RAD18: variants seen among roughly 807,000 people sequenced by gnomAD.
RAD18 encodes E3 ubiquitin-protein ligase RAD18.
Under a neutral mutation model 60.4 loss-of-function variants are expected in RAD18, and 47 were observed. The ratio of observed to expected loss-of-function variants is 0.78; its 90% confidence interval spans 0.62 to 0.99. RAD18 has a LOEUF of 0.99. Among genes scored for constraint, RAD18 ranks in the 50% least tolerant of loss-of-function variants. The probability of loss-of-function intolerance (pLI) is 0.00; values close to 1 mark genes in which losing one functional copy is unlikely to be tolerated. For synonymous variants in RAD18, 225 were observed against 195.5 expected, an observed-to-expected ratio of 1.15 and a Z score of -1.26; for missense variants, 640 against 593.3, an observed-to-expected ratio of 1.08 and a Z score of -0.82.
chr3:8,950,777 A>T (rs1940914876), intron 2 of RAD18, among the ~76,000 whole-genome samples: 1 of 152,246 alleles, frequency 6.6e-6, no homozygotes, highest in Non-Finnish European at 1.5e-5. Context: ...TGGAAAAAGT[A>T]GACAACATGC....
chr3:8,890,306 T>G, intron 12 of RAD18, 83 bp downstream of exon 12: 1 of 1,123,674 alleles, frequency 8.9e-7, no homozygotes, highest in Non-Finnish European at 1.3e-6. Context: ...AGCAAAAATA[T>G]AATTTTGTTT....
At chr3:8,948,208 C>T (rs993542849) in intron 3 of RAD18, among the ~76,000 whole-genome samples, 1 of 152,124 alleles carries the variant, frequency 6.6e-6, no homozygotes, top group Non-Finnish European at 1.5e-5. Context: ...AATCATACCA[C>T]CAGAGTTTCT....
At chr3:8,955,591 T>C (rs1214838479) in intron 2 of RAD18, among the ~76,000 whole-genome samples, 3 of 152,152 alleles carry the variant, frequency 2.0e-5, no homozygotes. Context: ...CAACTTGGGG[T>C]GCTTTGGATC....
chr3:8,940,553 TG>T (rs1940730037), intron 5 of RAD18, among the ~76,000 whole-genome samples: 1 of 152,218 alleles, frequency 6.6e-6, no homozygotes, highest in Non-Finnish European at 1.5e-5. Flanking sequence ...ACGTGTGGTA[TG>T]GGTATACCAA....
intron 7 of RAD18, among the ~76,000 whole-genome samples, chr3:8,926,323 A>G (rs1940432571): frequency 6.6e-6 from 1 of 152,202 alleles, no homozygotes; most frequent in South Asian, 2.1e-4. Flanking sequence ...TTCAAAGAGA[A>G]TAAAATACCT....
chr3:8,949,957 C>T lies in RAD18; in HGVS notation c.134-1387G>A, dbSNP rs45542540. 4.0e-3 allele frequency among the ~76,000 whole-genome samples: 606 copies of T among 152,292 alleles called. 17 individuals are homozygous for T. The highest frequency in any genetic ancestry group is 0.025 in the Admixed American group (383 of 15,310). On this transcript the variant is annotated intron_variant, in intron 2 of 12. Transcript: ENST00000264926. ...CAGTGAATATTGGAGAAAAACCCCC[C>T]AGTCCTTCCAGGAGTAGGAGGGTAA...
intron 11 of RAD18, among the ~76,000 whole-genome samples, chr3:8,891,904 C>G (rs2125047448): frequency 6.6e-6 from 1 of 152,316 alleles, no homozygotes; most frequent in East Asian, 1.9e-4. Flanking sequence ...ATTACCATAT[C>G]TGCTCAAAAA....
rs1939433651 is a variant in RAD18 at position 8,880,194 on chromosome 3, G to T, written c.*1163C>A. On this transcript the variant is annotated 3_prime_UTR_variant, in exon 13 of 13. Transcript: ENST00000264926. ...TCACTGTGAAAACACTAAACTCTCA[G>T]CCATAATGAGACTCCACACATTATC... The T allele has an allele frequency of 6.6e-6, 1 of 152,156 alleles. No homozygotes were observed. The highest frequency in any genetic ancestry group is 1.5e-5 in the Non-Finnish European group (1 of 68,024). The allele number at this position is 152,156 out of a possible 1,614,324, so 9.4% of individuals were successfully genotyped here.
intron 12 of RAD18, among the ~76,000 whole-genome samples, chr3:8,886,831 T>C (rs1939573833): frequency 1.3e-5 from 2 of 152,152 alleles, no homozygotes. Context: ...GTGGTGCAGC[T>C]TGGCAGCTTG....
intron 6 of RAD18, 50 bp downstream of exon 6, chr3:8,939,504 C>T (rs1940709002): frequency 6.8e-7 from 1 of 1,473,660 alleles, no homozygotes; most frequent in South Asian, 1.2e-5. Context: ...CAAGTAAGCA[C>T]AAGAGGCACC....
At chr3:8,962,927 G>C (rs193162356) in intron 1 of RAD18, among the ~76,000 whole-genome samples, 37 of 152,302 alleles carry the variant, frequency 2.4e-4, no homozygotes, top group African/African-American at 8.4e-4. Flanking sequence ...TACCTGCTTG[G>C]CTACGTGATT....
intron 2 of RAD18, among the ~76,000 whole-genome samples, chr3:8,955,977 T>C (rs146463565): frequency 6.6e-6 from 1 of 152,286 alleles, no homozygotes; most frequent in African/African-American, 2.4e-5. Context: ...ATGATAAAGT[T>C]TAATTTATTA....
chr3:8,911,679 A>G (rs1017906066), intron 9 of RAD18, among the ~76,000 whole-genome samples: 1 of 152,202 alleles, frequency 6.6e-6, no homozygotes, highest in Admixed American at 6.5e-5. Context: ...GAGAGAAAAA[A>G]ATTATCTTAC....
intron 12 of RAD18, chr3:8,890,133 G>C (rs1245770196): frequency 4.2e-6 from 2 of 480,660 alleles, no homozygotes; most frequent in Non-Finnish European, 7.6e-6. Flanking sequence ...ATGCATGACT[G>C]TATTAATTGC....
intron 1 of RAD18, among the ~76,000 whole-genome samples, chr3:8,962,959 G>C (rs760241771): frequency 3.3e-5 from 5 of 152,226 alleles, no homozygotes; most frequent in African/African-American, 4.8e-5. Flanking sequence ...ATCTGATAAA[G>C]TGTCCACCCA....
At chr3:8,918,619 G>C (rs1175102300) in intron 7 of RAD18, among the ~76,000 whole-genome samples, 1 of 152,110 alleles carries the variant, frequency 6.6e-6, no homozygotes, top group South Asian at 2.1e-4. Context: ...TTTGTATTCT[G>C]TATCTTATAG....
At position 8,963,371 on chromosome 3, in the gene RAD18, G is replaced by A. The variant is rs1574831637; in HGVS notation, c.15C>T (p.Ala5=). The change falls in exon 1 of 13, where the codon GCC becomes GCT. Residue 5 remains alanine (A), a synonymous_variant. Coordinates refer to ENST00000264926, the MANE Select transcript of RAD18 (RefSeq NM_020165.4). The part of the protein sequence containing the change: MDSL[A]ESRWPPGLAV... ...CCAGGCCCGGAGGCCACCGAGACTC[G>A]GCCAGGGAGTCCATGGTCGCTCCCG... is the stretch of plus-strand genomic sequence containing the variant. The A allele has an allele frequency of 1.2e-6, 2 of 1,608,948 alleles. No individual in the cohort carries two copies. Among genetic ancestry groups the A allele is most frequent in the Non-Finnish European group, 1.7e-6 (2 of 1,177,652 alleles).
At position 8,879,835 on chromosome 3, in the gene RAD18, T is replaced by G. The variant is rs1939427669; in HGVS notation, c.*1522A>C. The G allele has an allele frequency of 6.6e-6, 1 of 152,220 alleles. No homozygotes were observed. Among genetic ancestry groups the G allele is most frequent in the Non-Finnish European group, 1.5e-5 (1 of 68,044 alleles). The allele number at this position is 152,220 out of a possible 1,614,324, so 9.4% of individuals were successfully genotyped here. On this transcript the variant is annotated 3_prime_UTR_variant, in exon 13 of 13. Coordinates refer to ENST00000264926, the MANE Select transcript of RAD18 (RefSeq NM_020165.4). ...ATGTGCCTACTTTCCCAATCTTGGG[T>G]CTCACCGCTCCCTCACAAACTCCTT...
rs539065683 is a variant in RAD18, at chr3:8,954,749, A to G, written c.133+4171T>C. ...AAAAATCTAAGAAGCAACAATAAAT[A>G]CCTAGGATTCTGGATCACCAATTCT... On this transcript the variant is annotated intron_variant, in intron 2 of 12. Transcript: ENST00000264926. 1.8e-4 allele frequency among the ~76,000 whole-genome samples: 27 copies of G among 152,312 alleles called. 1 individual carries two copies. The South Asian group carries it at 5.4e-3, about 30-fold the overall frequency.
Sources: allele counts gnomAD v4.1 joint callset (sites outside exome capture counted in the v4.1 genomes callset), GRCh38; gene constraint gnomAD v4.1.1; transcripts MANE v1.5; gene names NCBI Gene and HGNC (gene_info 2026-07-23, HGNC 2026-07-21).